Variants in IAH1 observed in about 807,000 individuals in gnomAD.
IAH1 encodes the protein isoamyl acetate-hydrolyzing esterase 1 homolog.
Under a neutral mutation model 26.7 loss-of-function variants are expected in IAH1, and 24 were observed. The ratio of observed to expected loss-of-function variants is 0.90; its 90% CI spans 0.65 to 1.26. The LOEUF (loss-of-function observed/expected upper bound fraction) is 1.26, where lower values mean the gene tolerates loss of function less well. Ranked by LOEUF, IAH1 falls within the 50% of genes most tolerant of loss-of-function variation. The pLI, the probability that IAH1 is intolerant of heterozygous loss-of-function variation, is 0.00. For synonymous variants in IAH1, 140 were observed against 118.5 expected, an observed-to-expected ratio of 1.18 and a Z score of -1.18; for missense variants, 300 against 299.9, an observed-to-expected ratio of 1.00 and a Z score of 0.00.
At chr2:9,481,162 C>T in intron 3 of IAH1, 124 bp from the exon 4 acceptor site, 1 of 1,003,862 alleles carries the variant, frequency 1.0e-6, no homozygotes, top group Non-Finnish European at 1.5e-6. Flanking sequence ...CTCTTTGTGT[C>T]CTTGGTGTTA....
chr2:9,477,263 C>T (rs992880452), intron 2 of IAH1, among the ~76,000 whole-genome samples: 3 of 152,032 alleles, frequency 2.0e-5, no homozygotes, highest in Admixed American at 2.0e-4. Context: ...CAGTTCTCCG[C>T]GGGTGCCCCA....
In IAH1 at chr2:9,488,190, AG is replaced by A; in HGVS notation, c.612del (p.Asn205MetfsTer11). On this transcript the variant is annotated frameshift_variant, in exon 6 of 6. Transcript: ENST00000497473. LOFTEE classifies it high-confidence loss of function. ...TCAGATGGACTACATTTGTCTCCAA[AG>A]GGGAATGAATTTTTGTTCTCGCATC... ...YLSDGLHLSPKGNEFLFSHLW... is the reference protein window; with the variant it reads ...YLSDGLHLSPXGNEFLFSHLW... 6.2e-7 allele frequency: 1 copy of A among 1,613,064 alleles called. No homozygotes were observed. The highest frequency in any genetic ancestry group is 8.5e-7 in the Non-Finnish European group (1 of 1,179,646).
chr2:9,508,070 C>G, the IAH1 span, among the ~76,000 whole-genome samples: 6 of 152,292 alleles, frequency 3.9e-5, no homozygotes, highest in South Asian at 1.2e-3. Context: ...GAAGAGTCAG[C>G]AGCATGCATG....
chr2:9,505,295 T>A, the IAH1 span: 3 of 1,614,086 alleles, frequency 1.9e-6, no homozygotes, highest in Non-Finnish European at 2.5e-6. Flanking sequence ...ATTGCTGCGT[T>A]CTTGAAAACA....
At chr2:9,482,258 C>A (rs1258139343) in intron 4 of IAH1, among the ~76,000 whole-genome samples, 1 of 152,138 alleles carries the variant, frequency 6.6e-6, no homozygotes, top group African/African-American at 2.4e-5. Context: ...GAACTCCTGA[C>A]CTCAGGTAAT....
the IAH1 span, chr2:9,505,037 A>G: frequency 2.9e-6 from 3 of 1,018,656 alleles, no homozygotes; most frequent in South Asian, 4.7e-5. Flanking sequence ...AGGGCAAAAG[A>G]GGTAGATGTA....
In IAH1 at chr2:9,481,395, C is replaced by G. The variant is rs776501827; in HGVS notation, c.393C>G (p.Ile131Met). 7 of 1,614,174 alleles carry G rather than the reference C, an allele frequency of 4.3e-6. No individual in the cohort carries two copies. In the East Asian group the frequency reaches 1.6e-4, roughly 36 times the overall value. ...TCCCTGAGAATCGAGTCATTCTCAT[C>G]ACGCCGACCCCACTTTGTGAAACAG... is the stretch of plus-strand genomic sequence containing the variant. The part of the protein sequence containing the change: ...VDIPENRVIL[I>M]TPTPLCETAW... Residue 131 changes from isoleucine to methionine, a missense_variant, in exon 4 of 6, where the codon ATC (isoleucine) becomes ATG (methionine). By Grantham distance (10) the Ile-to-Met change is conservative. Coordinates refer to ENST00000497473, the MANE Select transcript of IAH1 (RefSeq NM_001039613.3).
rs1408069023 is a variant in IAH1 at position 9,474,690 on chromosome 2, G to A, written c.81+43G>A. ...CTCGGCCTCCCGCCCCGGCCTCCCT[G>A]CGGGGTCGCTGCCGAGCAGGCCGAG... On this transcript the variant is annotated intron_variant, in intron 1 of 5. Coordinates refer to ENST00000497473, the MANE Select transcript of IAH1 (RefSeq NM_001039613.3). This position sits in a 1 kb window ranked among gnomAD's most constrained non-coding sequence, Gnocchi z 4.3. The A allele has an allele frequency of 2.8e-6, 4 of 1,434,570 alleles. No individual in the cohort carries two copies. In the African/African-American group the frequency reaches 5.9e-5, roughly 21 times the overall value. The allele number at this position is 1,434,570 out of a possible 1,614,324, so 88.9% of individuals were successfully genotyped here.
chr2:9,487,813 T>C (rs188359916), intron 5 of IAH1, among the ~76,000 whole-genome samples: 7,964 of 103,282 alleles, frequency 0.077, 268 homozygotes, highest in Non-Finnish European at 0.11. Context: ...TGTGTGTGTG[T>C]GTGTGTGTGT....
At chr2:9,491,043 T>C (rs543077790), downstream of IAH1, 2 of 1,499,720 alleles carry the variant, frequency 1.3e-6, no homozygotes, top group Admixed American at 3.5e-5. Context: ...TGAAGGTCTT[T>C]GCCTAACAGG....
downstream of IAH1, among the ~76,000 whole-genome samples, chr2:9,497,503 T>C (rs536418945): frequency 2.4e-4 from 37 of 152,340 alleles, no homozygotes; most frequent in Middle Eastern, 3.4e-3. Context: ...TCTCCACTTC[T>C]GCATCTCACA....
chr2:9,504,911 TCTCA>T, the IAH1 span, among the ~76,000 whole-genome samples: 3 of 152,158 alleles, frequency 2.0e-5, no homozygotes, highest in African/African-American at 4.8e-5. Context: ...AGAGATAGTG[TCTCA>T]CTATGTTGCC....
chr2:9,500,116 T>C (rs368370085), downstream of IAH1, among the ~76,000 whole-genome samples: 702 of 152,340 alleles, frequency 4.6e-3, 7 homozygotes, highest in African/African-American at 0.016. Flanking sequence ...GCAGCATTAT[T>C]TGTTATAGCA....
rs1239210421 is a variant in IAH1, at chr2:9,477,677, T to C, written c.135-545T>C. Among the ~76,000 whole-genome samples the C allele has an allele frequency of 2.6e-5, 4 of 151,352 alleles. No homozygotes were observed. In the East Asian group the frequency reaches 5.8e-4, roughly 22 times the overall value. Reference sequence around the variant, plus strand: ...CAGGCAACCCGGCTTTTTTTTTTTTTTCCCCCATTACACCTACAGTACTGT... The same window carrying C: ...CAGGCAACCCGGCTTTTTTTTTTTTCTCCCCCATTACACCTACAGTACTGT... On this transcript the variant is annotated intron_variant, in intron 2 of 5. Transcript: ENST00000497473.
chr2:9,482,334 T>G lies in IAH1; in HGVS notation c.445+887T>G, dbSNP rs1262063447. ...TGAGCCACCGTTCCTGGACTGGAAG[T>G]TTTCTAAGCTGCCCAGAACTCAACA... On this transcript the variant is annotated intron_variant, in intron 4 of 5. Transcript: ENST00000497473. Among the ~76,000 whole-genome samples, 3 of 152,064 alleles carry G rather than the reference T, an allele frequency of 2.0e-5. No homozygotes were observed. In the East Asian group the frequency reaches 5.8e-4, roughly 29 times the overall value.
At chr2:9,481,893 C>T (rs991355934) in intron 4 of IAH1, among the ~76,000 whole-genome samples, 2 of 152,164 alleles carry the variant, frequency 1.3e-5, no homozygotes, top group African/African-American at 2.4e-5. Context: ...ACTTGGGTTT[C>T]ACATCCCTCA....
Position 9,484,436 on chromosome 2 carries a change from C to G in IAH1, c.450C>G (p.Cys150Trp). Reference sequence around the variant, plus strand: ...TCTATTTCTTCTCTTCAATAGGTTGCAAACTAAATCGCCTGAACTCTGTTG... The same window carrying G: ...TCTATTTCTTCTCTTCAATAGGTTGGAAACTAAATCGCCTGAACTCTGTTG... ...AWEEQCIIQGCKLNRLNSVVG... is the reference protein window; with the variant it reads ...AWEEQCIIQGWKLNRLNSVVG... The change falls in exon 5 of 6, where the codon TGC becomes TGG. Residue 150 changes from cysteine to tryptophan, a missense_variant. Cys to Trp is a radical substitution (Grantham distance 215, BLOSUM62 -2). Coordinates refer to ENST00000497473, the MANE Select transcript of IAH1 (RefSeq NM_001039613.3). 2 of 1,613,884 alleles carry G rather than the reference C, an allele frequency of 1.2e-6. No individual in the cohort carries two copies. Among genetic ancestry groups the G allele is most frequent in the East Asian group, 2.2e-5 (1 of 44,890 alleles).
downstream of IAH1, among the ~76,000 whole-genome samples, chr2:9,496,870 A>G (rs1311109274): frequency 6.6e-6 from 1 of 152,200 alleles, no homozygotes; most frequent in Non-Finnish European, 1.5e-5. Flanking sequence ...CCCACCTCAA[A>G]GCCTGCCATA....
downstream of IAH1, among the ~76,000 whole-genome samples, chr2:9,496,907 C>T (rs1324681886): frequency 6.6e-6 from 1 of 152,168 alleles, no homozygotes; most frequent in Non-Finnish European, 1.5e-5. Context: ...CAAGAAGAAA[C>T]ACCAACAGGA....
Sources: allele counts gnomAD v4.1 joint callset (sites outside exome capture counted in the v4.1 genomes callset), GRCh38; gene constraint gnomAD v4.1.1; non-coding constraint Gnocchi (gnomAD v3.1); transcripts MANE v1.5; gene names NCBI Gene and HGNC (gene_info 2026-07-23, HGNC 2026-07-21).